Variants in KSR2 observed in about 807,000 individuals in gnomAD.
The protein encoded by KSR2 is kinase suppressor of ras 2.
In KSR2, 25 loss-of-function variants were observed where a neutral mutation model predicts 107.8. That is an observed-to-expected ratio of 0.23 (90% CI 0.17 to 0.32). KSR2 has a LOEUF of 0.32. Ranked by LOEUF, KSR2 falls within the 10% of genes least tolerant of loss-of-function variation. The pLI is 1.00. For synonymous variants in KSR2, 480 were observed against 507.0 expected, an observed-to-expected ratio of 0.95 and a Z score of 0.71; for missense variants, 887 against 1,268.9, an observed-to-expected ratio of 0.70 and a Z score of 4.57.
At chr12:117,648,205 C>T (rs1883737238) in intron 5 of KSR2, among the ~76,000 whole-genome samples, 1 of 152,190 alleles carries the variant, frequency 6.6e-6, no homozygotes, top group African/African-American at 2.4e-5. Flanking sequence ...ATCTAGATGT[C>T]TGGCTTCTCT....
chr12:117,870,611 GA>G (rs1264062726), intron 1 of KSR2, among the ~76,000 whole-genome samples: 1 of 151,464 alleles, frequency 6.6e-6, no homozygotes, highest in Admixed American at 6.6e-5. Flanking sequence ...AAAAAGAAAA[GA>G]AAAGAAAAAA....
chr12:117,473,028 A>T (rs1227328706), intron 17 of KSR2, among the ~76,000 whole-genome samples: 1 of 152,172 alleles, frequency 6.6e-6, no homozygotes, highest in African/African-American at 2.4e-5. Flanking sequence ...TGGGCTTTCA[A>T]GTTCCAGGCC....
chr12:117,777,560 A>G (rs1889740095), intron 3 of KSR2, among the ~76,000 whole-genome samples: 2 of 152,234 alleles, frequency 1.3e-5, no homozygotes, highest in South Asian at 4.1e-4. Context: ...TTTAAGGGTT[A>G]CAAATACATT....
intron 4 of KSR2, among the ~76,000 whole-genome samples, chr12:117,749,264 T>C (rs1012202691): frequency 6.6e-6 from 1 of 151,356 alleles, no homozygotes. Flanking sequence ...TAAGGGGACC[T>C]TACCAGCTCT....
At chr12:117,479,718 A>G (rs976717719) in intron 16 of KSR2, among the ~76,000 whole-genome samples, 7 of 152,194 alleles carry the variant, frequency 4.6e-5, no homozygotes, top group Non-Finnish European at 1.0e-4. Context: ...TGCATTCTAC[A>G]CAAAAGACAT....
At chr12:117,507,360 A>G (rs928379022) in intron 14 of KSR2, among the ~76,000 whole-genome samples, 2 of 152,232 alleles carry the variant, frequency 1.3e-5, no homozygotes, top group African/African-American at 2.4e-5. Flanking sequence ...ATGGCCATTC[A>G]TCTCCAATAA....
intron 10 of KSR2, among the ~76,000 whole-genome samples, chr12:117,534,484 A>G (rs569426100): frequency 1.3e-5 from 2 of 152,154 alleles, no homozygotes; most frequent in African/African-American, 4.8e-5. Context: ...AGCTAAGAGC[A>G]AAGGCTCTTA....
In KSR2 at chr12:117,806,082, G is replaced by A. The variant is rs529895951; in HGVS notation, c.473-44558C>T. Among the ~76,000 whole-genome samples, 5 of 152,336 alleles carry A rather than the reference G, an allele frequency of 3.3e-5. No individual in the cohort carries two copies. In the South Asian group the frequency reaches 8.3e-4, roughly 25 times the overall value. On this transcript the variant is annotated intron_variant, in intron 3 of 19. Coordinates refer to ENST00000339824, the MANE Select transcript of KSR2 (RefSeq NM_173598.6). ...TTAATGTAATATGATCCCCAGCTGA[G>A]GCATGTGAACATTAAGTGTGTGGAG... is the stretch of plus-strand genomic sequence containing the variant.
chr12:117,812,842 C>CAAAAAAAAAAAAAA lies in KSR2; in HGVS notation c.472+42572_472+42585dup, dbSNP rs3073170. On this transcript the variant is annotated intron_variant, in intron 3 of 19. Coordinates refer to ENST00000339824, the MANE Select transcript of KSR2 (RefSeq NM_173598.6). ...GGAACCACAAAAGACCCCAAATAGC[C>CAAAAAAAAAAAAAA]AAAAAAAAAAAAAAAAATCATCCTG... Among the ~76,000 whole-genome samples the CAAAAAAAAAAAAAA allele has an allele frequency of 2.8e-3, 266 of 95,220 alleles. 1 individual carries two copies. The highest frequency in any genetic ancestry group is 7.2e-3 in the South Asian group (17 of 2,352). 62.5% of individuals were successfully genotyped at this position (95,220 alleles called of 152,430 possible).
chr12:117,681,463 G>A (rs769208352), intron 4 of KSR2, among the ~76,000 whole-genome samples: 8 of 152,078 alleles, frequency 5.3e-5, no homozygotes, highest in South Asian at 2.1e-4. Flanking sequence ...GGGGAATGTC[G>A]CGGAGTCCAC....
chr12:117,748,567 GTTA>G (rs35911938), intron 4 of KSR2, among the ~76,000 whole-genome samples: 15,183 of 152,146 alleles, frequency 0.1, 895 homozygotes, highest in Non-Finnish European at 0.13. Context: ...AATATGTACA[GTTA>G]TTATTTGTCA....
At chr12:117,785,215 G>A (rs1295555089) in intron 3 of KSR2, among the ~76,000 whole-genome samples, 1 of 152,026 alleles carries the variant, frequency 6.6e-6, no homozygotes, top group African/African-American at 2.4e-5. Context: ...AGGAGTTTGA[G>A]ACCAGCCTGA....
chr12:117,562,106 G>T (rs1456586880), intron 7 of KSR2, among the ~76,000 whole-genome samples: 1 of 152,196 alleles, frequency 6.6e-6, no homozygotes. Flanking sequence ...CCTTGGGTAG[G>T]TGTCAAGGGT....
chr12:117,643,285 A>T (rs1883463824), intron 5 of KSR2, among the ~76,000 whole-genome samples: 1 of 152,166 alleles, frequency 6.6e-6, no homozygotes, highest in Non-Finnish European at 1.5e-5. Context: ...TCCTAGAAAT[A>T]TTAATACAAA....
intron 3 of KSR2, among the ~76,000 whole-genome samples, chr12:117,848,033 T>G (rs1892763827): frequency 6.6e-6 from 1 of 152,192 alleles, no homozygotes; most frequent in Non-Finnish European, 1.5e-5. Context: ...CCATTATCCT[T>G]ACATAAGCAT....
At chr12:117,893,907 CTTTTT>C (rs56095185) in intron 1 of KSR2, among the ~76,000 whole-genome samples, 7 of 129,332 alleles carry the variant, frequency 5.4e-5, no homozygotes, top group Non-Finnish European at 6.4e-5. Flanking sequence ...GAACAAAATT[CTTTTT>C]TTTTTTTTTT....
rs775264943 is a variant in KSR2, at chr12:117,680,957, C to T, written c.987-13299G>A. ...GGGAATACAGACAAACAGATAGCAA[C>T]GAGGAAATGCTACTTAAGAATAAGA... On this transcript the variant is annotated intron_variant, in intron 4 of 19. Coordinates refer to ENST00000339824, the MANE Select transcript of KSR2 (RefSeq NM_173598.6). Among the ~76,000 whole-genome samples the T allele has an allele frequency of 1.2e-4, 19 of 152,202 alleles. No individual in the cohort carries two copies. In the East Asian group the frequency reaches 1.7e-3, roughly 14 times the overall value.
intron 11 of KSR2, 97 bp from the exon 12 acceptor site, chr12:117,531,110 C>A: frequency 1.0e-6 from 1 of 978,202 alleles, no homozygotes; most frequent in South Asian, 1.4e-5. Flanking sequence ...AATTTTTCAC[C>A]AGATCTTGGA....
chr12:117,563,031 T>C (rs4766861), intron 7 of KSR2, among the ~76,000 whole-genome samples: 65,653 of 151,910 alleles, frequency 0.43, 15,269 homozygotes, highest in African/African-American at 0.6. Context: ...CACAGCAAGG[T>C]TTTGCAAAGC....
Sources: allele counts gnomAD v4.1 joint callset (sites outside exome capture counted in the v4.1 genomes callset), GRCh38; gene constraint gnomAD v4.1.1; transcripts MANE v1.5; gene names NCBI Gene and HGNC (gene_info 2026-07-23, HGNC 2026-07-21).